Variants in PDGFD observed in about 807,000 individuals in gnomAD.
The protein encoded by PDGFD is platelet derived growth factor D.
PDGFD carries 30 observed loss-of-function variants against 44.7 expected under a neutral mutation model. The ratio of observed to expected loss-of-function variants is 0.67; its 90% CI spans 0.50 to 0.91. The LOEUF is 0.91. Ranked by LOEUF, PDGFD falls within the 40% of genes least tolerant of loss-of-function variation. The probability of loss-of-function intolerance (pLI) is 0.00; values close to 1 mark genes in which losing one functional copy is unlikely to be tolerated. For missense variants in PDGFD, 445 were observed against 457.8 expected, an observed-to-expected ratio of 0.97 and a Z score of 0.25; for synonymous variants, 173 against 168.4, an observed-to-expected ratio of 1.03 and a Z score of -0.21.
At chr11:104,148,174 A>G (rs1454846283) in intron 1 of PDGFD, among the ~76,000 whole-genome samples, 1 of 152,228 alleles carries the variant, frequency 6.6e-6, no homozygotes, top group East Asian at 1.9e-4. Flanking sequence ...CATCAACTGT[A>G]CCAGTGTTGA....
intron 1 of PDGFD, among the ~76,000 whole-genome samples, chr11:104,073,293 T>G (rs1410326842): frequency 6.6e-6 from 1 of 152,184 alleles, no homozygotes; most frequent in Non-Finnish European, 1.5e-5. Context: ...AATTGCAATT[T>G]AAAAATGCTA....
At chr11:104,034,336 C>T (rs997637919) in intron 1 of PDGFD, among the ~76,000 whole-genome samples, 1 of 151,896 alleles carries the variant, frequency 6.6e-6, no homozygotes, top group Non-Finnish European at 1.5e-5. Context: ...ATACACTGGG[C>T]GTTCAGTCAA....
intron 1 of PDGFD, among the ~76,000 whole-genome samples, chr11:104,116,195 G>A (rs1861635438): frequency 6.6e-6 from 1 of 151,980 alleles, no homozygotes; most frequent in Non-Finnish European, 1.5e-5. Flanking sequence ...TACATTCTGA[G>A]TTTATTTTTG....
intron 1 of PDGFD, among the ~76,000 whole-genome samples, chr11:104,052,897 A>G (rs898111163): frequency 8.1e-6 from 1 of 123,478 alleles, no homozygotes; most frequent in Non-Finnish European, 1.6e-5. Context: ...TATCAGAAAG[A>G]CTCTGTAGGA....
intron 3 of PDGFD, among the ~76,000 whole-genome samples, chr11:103,954,869 T>C (rs1028485569): frequency 2.0e-5 from 3 of 151,746 alleles, no homozygotes; most frequent in African/African-American, 7.3e-5. Context: ...TTAAGATTCA[T>C]AAAACAGTAA....
intron 1 of PDGFD, among the ~76,000 whole-genome samples, chr11:104,028,131 A>G (rs145152228): frequency 6.7e-6 from 1 of 148,274 alleles, no homozygotes; most frequent in East Asian, 2.0e-4. Context: ...CGGAGCTTGT[A>G]GTGAGCCGAG....
intron 1 of PDGFD, among the ~76,000 whole-genome samples, chr11:104,063,182 C>A (rs540394801): frequency 2.6e-5 from 4 of 152,120 alleles, no homozygotes; most frequent in East Asian, 3.9e-4. Flanking sequence ...GATTTTGACG[C>A]CTTTCTACAA....
chr11:104,082,142 A>ATATATATATATATATATATG (rs1409943824), intron 1 of PDGFD, among the ~76,000 whole-genome samples: 1 of 147,428 alleles, frequency 6.8e-6, no homozygotes, highest in African/African-American at 2.5e-5. Flanking sequence ...ACATACATAT[A>ATATATATATATATATATATG]TATATATGAA....
At chr11:104,088,234 A>T (rs1861163045) in intron 1 of PDGFD, among the ~76,000 whole-genome samples, 1 of 152,226 alleles carries the variant, frequency 6.6e-6, no homozygotes, top group South Asian at 2.1e-4. Context: ...TTCTTAGTTA[A>T]AATGCACACA....
chr11:104,082,106 A>G (rs1591154294), intron 1 of PDGFD, among the ~76,000 whole-genome samples: 1 of 149,796 alleles, frequency 6.7e-6, no homozygotes, highest in Non-Finnish European at 1.5e-5. Flanking sequence ...GAAGTTTACT[A>G]TATTTTTGTT....
intron 5 of PDGFD, 81 bp downstream of exon 5, chr11:103,943,371 T>G: frequency 2.2e-6 from 3 of 1,336,182 alleles, no homozygotes; most frequent in Non-Finnish European, 3.1e-6. Context: ...TGGTTTCAAA[T>G]ACTTTGGATA....
At chr11:104,004,162 T>C (rs1252968629) in intron 1 of PDGFD, among the ~76,000 whole-genome samples, 2 of 152,200 alleles carry the variant, frequency 1.3e-5, no homozygotes, top group African/African-American at 4.8e-5. Context: ...TATAAATGAA[T>C]GCCAATTACA....
chr11:104,113,100 G>C (rs1861584475), intron 1 of PDGFD, among the ~76,000 whole-genome samples: 1 of 152,138 alleles, frequency 6.6e-6, no homozygotes, highest in Non-Finnish European at 1.5e-5. Context: ...GGCTGGCATT[G>C]ATATTTTTTA....
Position 104,126,877 on chromosome 11 carries a change from T to C in PDGFD, c.124+36927A>G, listed in dbSNP as rs1266449919. ...AGAAAAAAAAATCCTTTACAAGCGATGATACCCTCAGAGTAAAAAATTACA... is the reference window on the plus strand; with the variant it reads ...AGAAAAAAAAATCCTTTACAAGCGACGATACCCTCAGAGTAAAAAATTACA... On this transcript the variant is annotated intron_variant, in intron 1 of 6. Transcript: ENST00000393158. Among the ~76,000 whole-genome samples, 5 of 149,962 alleles carry C rather than the reference T, an allele frequency of 3.3e-5. No homozygotes were observed. The East Asian group carries it at 1.0e-3, about 31-fold the overall frequency.
chr11:104,014,057 T>A lies in PDGFD; in HGVS notation c.125-13802A>T, dbSNP rs193047469. On this transcript the variant is annotated intron_variant, in intron 1 of 6. Coordinates refer to ENST00000393158, the MANE Select transcript of PDGFD (RefSeq NM_025208.5). ...GAAGGATTCTGAGCCTGTGTCTATG[T>A]TAAATAGAAAAAATGGAAATGACAA... Among the ~76,000 whole-genome samples the A allele has an allele frequency of 2.0e-5, 3 of 152,300 alleles. No homozygotes were observed. The East Asian group carries it at 5.8e-4, about 29-fold the overall frequency.
chr11:103,963,810 C>T lies in PDGFD; in HGVS notation c.511-16086G>A. ...AAGATAAAAACAATCTATGCATATG[C>T]TAGCTAATTTATGCAGGAATTTAGC... On this transcript the variant is annotated intron_variant, in intron 3 of 6. Transcript: ENST00000393158. Among the ~76,000 whole-genome samples, 2 of 152,058 alleles carry T rather than the reference C, an allele frequency of 1.3e-5. 1 individual carries two copies. The highest frequency in any genetic ancestry group is 2.9e-5 in the Non-Finnish European group (2 of 67,998).
intron 1 of PDGFD, among the ~76,000 whole-genome samples, chr11:104,118,305 T>C (rs544793407): frequency 9.2e-5 from 14 of 151,828 alleles, no homozygotes; most frequent in African/African-American, 3.4e-4. Flanking sequence ...GGAGCTTGCT[T>C]CTCCTCTCTA....
At chr11:103,993,045 C>T (rs1859481892) in intron 3 of PDGFD, among the ~76,000 whole-genome samples, 2 of 151,022 alleles carry the variant, frequency 1.3e-5, no homozygotes, top group South Asian at 2.1e-4. Flanking sequence ...CTTGACTTCT[C>T]GTGTGCTGTT....
At chr11:104,101,213 A>G (rs546649387) in intron 1 of PDGFD, among the ~76,000 whole-genome samples, 1 of 152,308 alleles carries the variant, frequency 6.6e-6, no homozygotes, top group South Asian at 2.1e-4. Flanking sequence ...CCATTGTCTC[A>G]GCCCAAAATC....
Sources: gnomAD v4.1 joint callset for allele counts (sites outside exome capture counted in the v4.1 genomes callset) on GRCh38, gnomAD v4.1.1 for gene constraint, MANE v1.5 for transcripts, NCBI Gene and HGNC (gene_info 2026-07-23, HGNC 2026-07-21) for gene names.